Variants in SLC15A3 observed in about 807,000 individuals in gnomAD.
SLC15A3 encodes the protein solute carrier family 15 member 3.
SLC15A3 carries 39 observed loss-of-function variants against 49.2 expected under a neutral mutation model. The observed-to-expected ratio is 0.79, with a 90% CI of 0.61 to 1.04. The LOEUF (loss-of-function observed/expected upper bound fraction) is 1.04, where lower values mean the gene tolerates loss of function less well. SLC15A3 is among the 50% of genes least tolerant of loss of function. The pLI, the probability that SLC15A3 is intolerant of heterozygous loss-of-function variation, is 0.00. For missense variants in SLC15A3, 758 were observed against 794.8 expected, an observed-to-expected ratio of 0.95 and a Z score of 0.56; for synonymous variants, 339 against 367.0, an observed-to-expected ratio of 0.92 and a Z score of 0.87.
intron 1 of SLC15A3, among the ~76,000 whole-genome samples, chr11:60,947,422 G>A (rs1856820506): frequency 6.6e-6 from 1 of 152,144 alleles, no homozygotes; most frequent in Non-Finnish European, 1.5e-5. Context: ...CTCGTGATCC[G>A]CTCGCCTCGG....
chr11:60,943,579 C>T, intron 3 of SLC15A3, 110 bp downstream of exon 3: 1 of 1,226,776 alleles, frequency 8.2e-7, no homozygotes, highest in Non-Finnish European at 1.1e-6. Flanking sequence ...CACTTTATTC[C>T]CAGACTTTCC....
In SLC15A3 at chr11:60,950,991, C is replaced by T; in HGVS notation, c.558+3G>A. 1 of 1,458,718 alleles carries T rather than the reference C, an allele frequency of 6.9e-7. No individual in the cohort carries two copies. The highest frequency in any genetic ancestry group is 9.0e-7 in the Non-Finnish European group (1 of 1,112,622). 90.4% of individuals were successfully genotyped at this position (1,458,718 alleles called of 1,614,324 possible). ...ATGCCGGGGCAGGCCTCCTGCCACTCACCTGGTCGGCACCGAAGGAGGTGA... is the reference window on the plus strand; with the variant it reads ...ATGCCGGGGCAGGCCTCCTGCCACTTACCTGGTCGGCACCGAAGGAGGTGA... On this transcript the variant is annotated splice_donor_region_variant and intron_variant, in intron 1 of 7. Coordinates refer to ENST00000227880, the MANE Select transcript of SLC15A3 (RefSeq NM_016582.3).
intron 2 of SLC15A3, among the ~76,000 whole-genome samples, chr11:60,944,684 A>G (rs1426190453): frequency 6.6e-6 from 1 of 152,010 alleles, no homozygotes; most frequent in Non-Finnish European, 1.5e-5. Flanking sequence ...CAGATTTGAT[A>G]CACCAAAATT....
chr11:60,951,752 G>T lies in SLC15A3; in HGVS notation c.-201C>A, dbSNP rs1452942403. On this transcript the variant is annotated 5_prime_UTR_variant, in exon 1 of 8. Coordinates refer to ENST00000227880, the MANE Select transcript of SLC15A3 (RefSeq NM_016582.3). ...CTTCCTGTCCCTCCGCTCACTACCC[G>T]GACTCTACCACCTCCTCCCTAATTC... is the stretch of plus-strand genomic sequence containing the variant. 9.0e-6 allele frequency: 2 copies of T among 221,590 alleles called. No individual in the cohort carries two copies. Among genetic ancestry groups the T allele is most frequent in the African/African-American group, 5.1e-5 (2 of 39,442 alleles). 13.7% of individuals were successfully genotyped at this position (221,590 alleles called of 1,614,324 possible).
Position 60,946,527 on chromosome 11 carries a change from C to T in SLC15A3, c.848+5G>A. 6.4e-7 allele frequency: 1 copy of T among 1,551,266 alleles called. No homozygotes were observed. The highest frequency in any genetic ancestry group is 8.7e-7 in the Non-Finnish European group (1 of 1,146,064). Reference sequence around the variant, plus strand: ...AGGCTCCCTGCACCCAGAGCCCCTCCTTACCTGGCCGAGTGTCGTTGCCAC... The same window carrying T: ...AGGCTCCCTGCACCCAGAGCCCCTCTTTACCTGGCCGAGTGTCGTTGCCAC... On this transcript the variant is annotated splice_donor_5th_base_variant and intron_variant, in intron 2 of 7. Coordinates refer to ENST00000227880, the MANE Select transcript of SLC15A3 (RefSeq NM_016582.3).
At chr11:60,945,327 A>G (rs1590640750) in intron 2 of SLC15A3, among the ~76,000 whole-genome samples, 1 of 152,220 alleles carries the variant, frequency 6.6e-6, no homozygotes, top group Non-Finnish European at 1.5e-5. Context: ...CATGTAAGTG[A>G]GCAGACTCAG....
At chr11:60,944,555 G>C (rs888729131) in intron 2 of SLC15A3, among the ~76,000 whole-genome samples, 2 of 152,136 alleles carry the variant, frequency 1.3e-5, no homozygotes, top group African/African-American at 2.4e-5. Flanking sequence ...AGTCCTGAGG[G>C]AAGTAAGACC....
intron 7 of SLC15A3, 72 bp downstream of exon 7, chr11:60,937,797 CT>C: frequency 6.4e-7 from 1 of 1,550,662 alleles, no homozygotes; most frequent in East Asian, 2.3e-5. Flanking sequence ...AGTCAAAGCA[CT>C]TTAGCAGTTG....
chr11:60,951,355 T>C lies in SLC15A3; in HGVS notation c.197A>G (p.Asn66Ser). The C allele has an allele frequency of 3.2e-6, 5 of 1,549,800 alleles. No individual in the cohort carries two copies. Among genetic ancestry groups the C allele is most frequent in the Non-Finnish European group, 4.3e-6 (5 of 1,151,692 alleles). ...LVLYLNSTNF[N>S]WTGEQATRAA... ...GCGCGTCGCCTGCTCGCCGGTCCAG[T>C]TGAAGTTGGTGCTGTTGAGGTACAG... Residue 66 changes from asparagine (N) to serine (S), a missense_variant, in exon 1 of 8, where the codon AAC becomes AGC. Asn to Ser is a conservative substitution (Grantham distance 46, BLOSUM62 1). Coordinates refer to ENST00000227880, the MANE Select transcript of SLC15A3 (RefSeq NM_016582.3).
Position 60,951,706 on chromosome 11 carries a change from C to T in SLC15A3, c.-155G>A. The T allele has an allele frequency of 2.3e-6, 1 of 443,670 alleles. No homozygotes were observed. The highest frequency in any genetic ancestry group is 3.1e-6 in the Non-Finnish European group (1 of 322,100). 27.5% of individuals were successfully genotyped at this position (443,670 alleles called of 1,614,324 possible). On this transcript the variant is annotated 5_prime_UTR_variant, in exon 1 of 8. Coordinates refer to ENST00000227880, the MANE Select transcript of SLC15A3 (RefSeq NM_016582.3). ...TTGGCCCACCCTTCCCTCCTGTCCCCTCTCCCTTTCTTGCCCTACCCTTCC... is the reference window on the plus strand; with the variant it reads ...TTGGCCCACCCTTCCCTCCTGTCCCTTCTCCCTTTCTTGCCCTACCCTTCC...
chr11:60,951,041 C>A lies in SLC15A3; in HGVS notation c.511G>T (p.Ala171Ser). The A allele has an allele frequency of 6.7e-7, 1 of 1,497,300 alleles. No individual in the cohort carries two copies. The highest frequency in any genetic ancestry group is 8.8e-7 in the Non-Finnish European group (1 of 1,131,072). 92.8% of individuals were successfully genotyped at this position (1,497,300 alleles called of 1,614,324 possible). A position where few individuals can be genotyped will look rare whatever the true frequency, so the allele number is the denominator to read the frequency against. The change falls in exon 1 of 8, where the codon GCC (alanine) becomes TCC (serine). Residue 171 changes from alanine to serine, a missense_variant. By Grantham distance (99) the Ala-to-Ser change is moderately conservative (BLOSUM62 1). This residue lies in a region of SLC15A3 where 699 missense variants were observed against 706.7 expected (regional missense o/e 0.99). Coordinates refer to ENST00000227880, the MANE Select transcript of SLC15A3 (RefSeq NM_016582.3). ...LYAGLLLLGL[A>S]ASSVRSNLTS... ...AGGTTGCTCCGGACGGAGCTGGCGG[C>A]CAGGCCGAGTAGCAGCAGGCCCGCG...
Position 60,947,190 on chromosome 11 carries a change from T to A in SLC15A3, c.559-369A>T, listed in dbSNP as rs1003760719. Reference sequence around the variant, plus strand: ...GAGCAACCTACACTATTCATTATTTTTTTTTTTTTGAGACAGTCTTGCTCT... The same window carrying A: ...GAGCAACCTACACTATTCATTATTTATTTTTTTTTGAGACAGTCTTGCTCT... On this transcript the variant is annotated intron_variant, in intron 1 of 7. Coordinates refer to ENST00000227880, the MANE Select transcript of SLC15A3 (RefSeq NM_016582.3). Among the ~76,000 whole-genome samples the A allele has an allele frequency of 3.9e-5, 6 of 152,256 alleles. No individual in the cohort carries two copies. In the South Asian group the frequency reaches 1.2e-3, roughly 32 times the overall value.
chr11:60,941,965 T>C, intron 4 of SLC15A3, 70 bp downstream of exon 4: 1 of 1,455,212 alleles, frequency 6.9e-7, no homozygotes, highest in Non-Finnish European at 9.6e-7. Context: ...GGCAGTTTCA[T>C]TTCCTCCTCT....
chr11:60,951,118 G>C lies in SLC15A3; in HGVS notation c.434C>G (p.Ser145Trp), dbSNP rs866015673. 3 of 1,480,262 alleles carry C rather than the reference G, an allele frequency of 2.0e-6. No homozygotes were observed. The highest frequency in any genetic ancestry group is 1.3e-5 in the South Asian group (1 of 76,708). The allele number at this position is 1,480,262 out of a possible 1,614,324, so 91.7% of individuals were successfully genotyped here. Residue 145 changes from serine to tryptophan, a missense_variant, in exon 1 of 8, where the codon TCG becomes TGG. Around this residue, in one of 3 missense-constraint regions of SLC15A3, gnomAD observed 699 missense variants for 706.7 expected, o/e 0.99. Coordinates refer to ENST00000227880, the MANE Select transcript of SLC15A3 (RefSeq NM_016582.3). ...GGGCGAGGAGCGCGGGCAGCCGGCC[G>C]AGGGGCAGGCAGGTCCCAGCGGCGA... is the stretch of plus-strand genomic sequence containing the variant. ...PASPLGPACPSAGCPRSSPSP... is the reference protein window; with the variant it reads ...PASPLGPACPWAGCPRSSPSP...
At chr11:60,941,385 C>A in intron 4 of SLC15A3, 95 bp from the exon 5 acceptor site, 1 of 1,326,318 alleles carries the variant, frequency 7.5e-7, no homozygotes, top group Non-Finnish European at 1.0e-6. Flanking sequence ...CCTGGGTGAC[C>A]CTGGGGTCCA....
intron 6 of SLC15A3, among the ~76,000 whole-genome samples, chr11:60,938,649 G>A (rs896057646): frequency 2.0e-4 from 30 of 152,036 alleles, no homozygotes; most frequent in African/African-American, 3.4e-4. Flanking sequence ...TCGACACTTC[G>A]GCTCCCTGCA....
In SLC15A3 at chr11:60,951,445, GCGCCCGC is replaced by G; in HGVS notation, c.100_106del (p.Ala34ArgfsTer152). 1 of 1,440,820 alleles carries G rather than the reference GCGCCCGC, an allele frequency of 6.9e-7. No homozygotes were observed. The highest frequency in any genetic ancestry group is 2.8e-5 in the Admixed American group (1 of 35,826). 89.3% of individuals were successfully genotyped at this position (1,440,820 alleles called of 1,614,324 possible). Reference sequence around the variant, plus strand: ...CAGCATCTCCACCAGCAGCACGGCCGCGCCCGCCGCCCGCCGCCACCGTCGAGGGCCC... The same window carrying G: ...CAGCATCTCCACCAGCAGCACGGCCGCGCCCGCCGCCACCGTCGAGGGCCC... On this transcript the variant is annotated frameshift_variant, in exon 1 of 8. Coordinates refer to ENST00000227880, the MANE Select transcript of SLC15A3 (RefSeq NM_016582.3). LOFTEE classifies it high-confidence loss of function.
At chr11:60,948,168 C>T (rs1261609644) in intron 1 of SLC15A3, among the ~76,000 whole-genome samples, 1 of 152,164 alleles carries the variant, frequency 6.6e-6, no homozygotes, top group Non-Finnish European at 1.5e-5. Flanking sequence ...ATAGTCCACA[C>T]AGATGCACTT....
intron 2 of SLC15A3, among the ~76,000 whole-genome samples, chr11:60,945,073 G>T (rs1009593244): frequency 1.3e-5 from 2 of 152,206 alleles, no homozygotes; most frequent in African/African-American, 2.4e-5. Context: ...TGACCTGTTA[G>T]AATGAAGCAG....
Sources: gnomAD v4.1 joint callset for allele counts (sites outside exome capture counted in the v4.1 genomes callset) on GRCh38, gnomAD v4.1.1 for gene constraint, gnomAD v4.1.1 regional missense constraint, MANE v1.5 for transcripts, NCBI Gene and HGNC (gene_info 2026-07-23, HGNC 2026-07-21) for gene names.